BAIAP2: variants seen among roughly 807,000 people sequenced by gnomAD.
BAIAP2 encodes BAR/IMD domain containing adaptor protein 2.
A neutral mutation model predicts 63.0 loss-of-function variants in BAIAP2; 18 were observed. The observed-to-expected ratio is 0.29, with a 90% CI of 0.20 to 0.42. The LOEUF (loss-of-function observed/expected upper bound fraction) is 0.42. Among genes scored for constraint, BAIAP2 ranks in the 10% least tolerant of loss-of-function variants. BAIAP2 has a pLI of 1.00. For synonymous variants in BAIAP2, 386 were observed against 307.6 expected (o/e 1.25, Z -2.67); for missense variants, 610 against 734.3 (o/e 0.83, Z 1.96).
At chr17:81,036,279 C>G (rs965273056) in intron 1 of BAIAP2, among the ~76,000 whole-genome samples, 1 of 152,236 alleles carries the variant, frequency 6.6e-6, no homozygotes, top group Non-Finnish European at 1.5e-5. Flanking sequence ...TGGGCGATCT[C>G]TTACAGATGT....
chr17:81,077,520 A>T (rs2053851800), intron 3 of BAIAP2, among the ~76,000 whole-genome samples: 1 of 151,952 alleles, frequency 6.6e-6, no homozygotes, highest in Admixed American at 6.6e-5. Context: ...GTGAGCCGAG[A>T]TAGTGCCACT....
rs763454584 is a variant in BAIAP2 at position 81,106,821 on chromosome 17, G to A, written c.1414G>A (p.Gly472Ser). 5.0e-6 allele frequency: 8 copies of A among 1,612,014 alleles called. No homozygotes were observed. The highest frequency in any genetic ancestry group is 1.7e-5 in the Admixed American group (1 of 59,936). The part of the protein sequence containing the change: ...DDLAIPPPDY[G>S]AASRAFPAQT... The stretch of plus-strand genomic sequence containing the variant: ...CCTGGCCATCCCACCCCCCGATTAC[G>A]GCGCCGCCTCCCGGGCCTTCCCCGC... Residue 472 changes from glycine to serine, a missense_variant, in exon 12 of 14, where the codon GGC (glycine) becomes AGC (serine). Coordinates refer to ENST00000428708, the MANE Select transcript of BAIAP2 (RefSeq NM_001144888.2).
At chr17:81,070,895 G>C (rs2052511593) in intron 3 of BAIAP2, among the ~76,000 whole-genome samples, 1 of 152,194 alleles carries the variant, frequency 6.6e-6, no homozygotes, top group South Asian at 2.1e-4. Flanking sequence ...CTTGGAGCCG[G>C]CGGGTTGGAG....
chr17:81,109,310 C>T, intron 13 of BAIAP2: 1 of 1,162,164 alleles, frequency 8.6e-7, no homozygotes, highest in Non-Finnish European at 1.1e-6. Flanking sequence ...GTCTGTGGCA[C>T]TCACTGCTTT....
chr17:81,097,901 A>T (rs1459655493), intron 6 of BAIAP2, among the ~76,000 whole-genome samples: 2 of 152,096 alleles, frequency 1.3e-5, no homozygotes, highest in African/African-American at 4.8e-5. Flanking sequence ...GCGTTTTGGG[A>T]TGGAAAGTTT....
At position 81,035,171 on chromosome 17, in the gene BAIAP2, T is replaced by C. The variant is rs1034693955; in HGVS notation, c.-84T>C. 8 of 1,199,434 alleles carry C rather than the reference T, an allele frequency of 6.7e-6. No individual in the cohort carries two copies. Among genetic ancestry groups the C allele is most frequent in the South Asian group, 1.6e-5 (1 of 61,472 alleles). The allele number at this position is 1,199,434 out of a possible 1,614,324, so 74.3% of individuals were successfully genotyped here. ...GCTCTGTGGTTCGGGTCCGCTTTCG[T>C]CTCCGTCCTGCTGCCGTTACCGCCG... On this transcript the variant is annotated 5_prime_UTR_variant, in exon 1 of 14. Coordinates refer to ENST00000428708, the MANE Select transcript of BAIAP2 (RefSeq NM_001144888.2).
At chr17:81,110,133 C>T in intron 13 of BAIAP2, 1 of 985,640 alleles carries the variant, frequency 1.0e-6, no homozygotes, top group African/African-American at 1.7e-5. Context: ...GGTGGGAGCC[C>T]CTGGGAAGCT....
At chr17:81,058,385 C>T (rs1450419227) in intron 3 of BAIAP2, among the ~76,000 whole-genome samples, 2 of 152,206 alleles carry the variant, frequency 1.3e-5, no homozygotes, top group African/African-American at 4.8e-5. Context: ...GGTGGATTTC[C>T]TGGAGGGCAG....
At chr17:81,065,945 A>G (rs2051381203) in intron 3 of BAIAP2, among the ~76,000 whole-genome samples, 2 of 152,230 alleles carry the variant, frequency 1.3e-5, no homozygotes, top group African/African-American at 4.8e-5. Flanking sequence ...GGGGGCTGTC[A>G]TTGCAGTGAG....
intron 13 of BAIAP2, among the ~76,000 whole-genome samples, chr17:81,114,419 A>C (rs2060278869): frequency 6.6e-6 from 1 of 152,054 alleles, no homozygotes; most frequent in Non-Finnish European, 1.5e-5. Context: ...TGGAATCCTC[A>C]CCAGCGGGCC....
In BAIAP2 at chr17:81,116,161, G is replaced by C; in HGVS notation, c.*322G>C. On this transcript the variant is annotated 3_prime_UTR_variant, in exon 14 of 14. Coordinates refer to ENST00000428708, the MANE Select transcript of BAIAP2 (RefSeq NM_001144888.2). The stretch of plus-strand genomic sequence containing the variant: ...TTAAGGGAGGACATTTGGCCAGCTG[G>C]TGGCTGGGAGGGGAGCCTGGCTGCC... 1 of 1,603,112 alleles carries C rather than the reference G, an allele frequency of 6.2e-7. No homozygotes were observed.
chr17:81,088,134 A>AC (rs1241667938), intron 6 of BAIAP2, among the ~76,000 whole-genome samples: 7 of 152,002 alleles, frequency 4.6e-5, no homozygotes, highest in Non-Finnish European at 1.0e-4. Context: ...AGCGGACGGC[A>AC]CCCCTGCGGC....
intron 7 of BAIAP2, 102 bp downstream of exon 7, chr17:81,100,182 T>C: frequency 7.2e-7 from 1 of 1,385,018 alleles, no homozygotes; most frequent in Non-Finnish European, 9.5e-7. Flanking sequence ...ACCGGGGCAG[T>C]GTCCAGGCTC....
At chr17:81,085,049 C>A in intron 4 of BAIAP2, 156 bp downstream of exon 4, 1 of 744,820 alleles carries the variant, frequency 1.3e-6, no homozygotes, top group Non-Finnish European at 2.3e-6. Context: ...AAGCCACACT[C>A]GAAGGAGGAC....
At chr17:81,104,403 T>TA (rs2058878673) in intron 9 of BAIAP2, 111 bp from the exon 10 acceptor site, 1 of 1,232,930 alleles carries the variant, frequency 8.1e-7, no homozygotes, top group Non-Finnish European at 1.1e-6. Context: ...CCAGCCCACT[T>TA]ACCCACCTGG....
intron 4 of BAIAP2, chr17:81,085,317 A>G (rs2055384177): frequency 7.6e-6 from 4 of 526,300 alleles, no homozygotes; most frequent in African/African-American, 1.9e-5. Context: ...CCCTGGTGTC[A>G]GTTCAGGCCC....
rs113298615 is a variant in BAIAP2, at chr17:81,072,901, A to C, written c.218-11931A>C. ...CTCACGGACCTCATTGTCTGTGGTC[A>C]TGAGCCTGCATCTTACTGATTTAAT... On this transcript the variant is annotated intron_variant, in intron 3 of 13. Coordinates refer to ENST00000428708, the MANE Select transcript of BAIAP2 (RefSeq NM_001144888.2). Among the ~76,000 whole-genome samples, 421 of 152,026 alleles carry C rather than the reference A, an allele frequency of 2.8e-3. 4 individuals carry two copies. The highest frequency in any genetic ancestry group is 4.8e-3 in the Non-Finnish European group (325 of 67,970).
rs148086211 is a variant in BAIAP2, at chr17:81,106,812, C to T, written c.1405C>T (p.Pro469Ser). ...CAAGGACGACCTGGCCATCCCACCC[C>T]CCGATTACGGCGCCGCCTCCCGGGC... ...LDKDDLAIPP[P>S]DYGAASRAFP... is the part of the protein sequence containing the mutation. Residue 469 changes from proline (P) to serine (S), a missense_variant, in exon 12 of 14, where the codon CCC becomes TCC. Transcript: ENST00000428708. The T allele has an allele frequency of 5.6e-6, 9 of 1,612,416 alleles. No individual in the cohort carries two copies. Among genetic ancestry groups the T allele is most frequent in the Non-Finnish European group, 7.6e-6 (9 of 1,179,716 alleles).
intron 4 of BAIAP2, chr17:81,085,191 G>A (rs2055356713): frequency 1.9e-6 from 1 of 530,330 alleles, no homozygotes; most frequent in African/African-American, 1.9e-5. Flanking sequence ...GGTTCACAAG[G>A]TTGCAAGGCA....
Sources: gnomAD v4.1 joint callset for allele counts (sites outside exome capture counted in the v4.1 genomes callset) on GRCh38, gnomAD v4.1.1 for gene constraint, MANE v1.5 for transcripts, NCBI Gene and HGNC (gene_info 2026-07-23, HGNC 2026-07-21) for gene names.